The following OR10A2 variants were observed in gnomAD, a reference collection of about 807,000 sequenced individuals.
The protein encoded by OR10A2 is olfactory receptor 10A2.
Under a neutral mutation model 13.7 loss-of-function variants are expected in OR10A2, and 15 were observed. The ratio of observed to expected loss-of-function variants is 1.10; its 90% CI spans 0.73 to 1.69. The LOEUF (loss-of-function observed/expected upper bound fraction) is 1.69, where lower values mean the gene tolerates loss of function less well. OR10A2 is among the 40% of genes most tolerant of loss of function. The probability of loss-of-function intolerance (pLI) is 0.00; values close to 1 mark genes in which losing one functional copy is unlikely to be tolerated. For synonymous variants in OR10A2, 145 were observed against 144.7 expected (o/e 1.00, Z -0.02); for missense variants, 343 against 361.1 (o/e 0.95, Z 0.41).
chr11:6,868,050 T>C (rs1455061175), intron 1 of OR10A2, among the ~76,000 whole-genome samples: 2 of 152,212 alleles, frequency 1.3e-5, no homozygotes, highest in Non-Finnish European at 2.9e-5. Context: ...ACGCCTGGCC[T>C]ACAGTGAAAG....
At chr11:6,865,656 T>C (rs74925296) in intron 1 of OR10A2, among the ~76,000 whole-genome samples, 4,786 of 152,292 alleles carry the variant, frequency 0.031, 243 homozygotes, top group African/African-American at 0.11. Flanking sequence ...AAGATAATTG[T>C]CTTTTATTAT....
rs577099191 is a variant in OR10A2, at chr11:6,869,998, C to A, written c.244C>A (p.Leu82Ile). The change falls in exon 2 of 2, where the codon CTT becomes ATT. Residue 82 changes from leucine to isoleucine, a missense_variant. Leu to Ile is a conservative substitution (Grantham distance 5). Coordinates refer to ENST00000641461, the MANE Select transcript of OR10A2 (RefSeq NM_001004460.2). ...TGCCCAGGACACAACCATCTCCTTC[C>A]TTGGCTGTGCCACTCAGATGTATTT... is the stretch of plus-strand genomic sequence containing the variant. ...LLAQDTTISF[L>I]GCATQMYFFF... 6.2e-7 allele frequency: 1 copy of A among 1,614,244 alleles called. No individual in the cohort carries two copies. Among genetic ancestry groups the A allele is most frequent in the East Asian group, 2.2e-5 (1 of 44,892 alleles).
chr11:6,870,545 C>G lies in OR10A2; in HGVS notation c.791C>G (p.Ser264Cys), dbSNP rs764347213. ...SPEGKKLLSL[S>C]YTVMTPMLNP... ...GAGGGCAAGAAGCTGCTATCATTGT[C>G]CTACACTGTTATGACTCCCATGTTG... The change falls in exon 2 of 2, where the codon TCC becomes TGC. Residue 264 changes from serine to cysteine, a missense_variant. Transcript: ENST00000641461. 1 of 1,614,064 alleles carries G rather than the reference C, an allele frequency of 6.2e-7. No individual in the cohort carries two copies. The highest frequency in any genetic ancestry group is 1.1e-5 in the South Asian group (1 of 91,078).
Position 6,870,412 on chromosome 11 carries a change from G to C in OR10A2, c.658G>C (p.Gly220Arg). 1.2e-6 allele frequency: 2 copies of C among 1,614,168 alleles called. No individual in the cohort carries two copies. Among genetic ancestry groups the C allele is most frequent in the Non-Finnish European group, 1.7e-6 (2 of 1,180,040 alleles). ...CATCCTCAAGATCCCATCAGCTAAA[G>C]GGAAGAATAAAGCCTTTTCTACATG... Reference protein sequence around the residue: ...AAILKIPSAKGKNKAFSTCSS... With the variant: ...AAILKIPSAKRKNKAFSTCSS... The change falls in exon 2 of 2, where the codon GGG becomes CGG. Residue 220 changes from glycine to arginine, a missense_variant. Gly to Arg is a moderately radical substitution (Grantham distance 125). Coordinates refer to ENST00000641461, the MANE Select transcript of OR10A2 (RefSeq NM_001004460.2).
chr11:6,863,131 T>G lies in OR10A2; in HGVS notation c.-353T>G, dbSNP rs1401000895. The G allele has an allele frequency of 6.6e-6, 1 of 152,162 alleles. No individual in the cohort carries two copies. Among genetic ancestry groups the G allele is most frequent in the Non-Finnish European group, 1.5e-5 (1 of 68,072 alleles). The allele number at this position is 152,162 out of a possible 1,614,324, so 9.4% of individuals were successfully genotyped here. A position where few individuals can be genotyped will look rare whatever the true frequency, so the allele number is the denominator to read the frequency against. ...CCAGGACTGGGAGCATGGCCAAACT[T>G]CATAGTGAGCTTACTTGCCTCTGAC... On this transcript the variant is annotated 5_prime_UTR_variant, in exon 1 of 2. Transcript: ENST00000641461.
intron 1 of OR10A2, among the ~76,000 whole-genome samples, chr11:6,867,750 T>C (rs1848390639): frequency 6.6e-6 from 1 of 151,882 alleles, no homozygotes; most frequent in South Asian, 2.1e-4. Flanking sequence ...TTACTTTACT[T>C]TTTTTTTCTT....
In OR10A2 at chr11:6,869,691, T is replaced by C. The variant is rs1383761029; in HGVS notation, c.-64T>C. ...CAATAATCTTTCTCCATGACCACAG[T>C]TGGGGACTTCTGCCCACACTTATAG... On this transcript the variant is annotated 5_prime_UTR_variant, in exon 2 of 2. Coordinates refer to ENST00000641461, the MANE Select transcript of OR10A2 (RefSeq NM_001004460.2). 37 of 1,321,688 alleles carry C rather than the reference T, an allele frequency of 2.8e-5. No individual in the cohort carries two copies. The highest frequency in any genetic ancestry group is 6.9e-5 in the East Asian group (3 of 43,436). The allele number at this position is 1,321,688 out of a possible 1,614,324, so 81.9% of individuals were successfully genotyped here.
chr11:6,870,065 C>T lies in OR10A2; in HGVS notation c.311C>T (p.Thr104Ile), dbSNP rs369235039. The T allele has an allele frequency of 1.2e-5, 20 of 1,614,200 alleles. No individual in the cohort carries two copies. In the African/African-American group the frequency reaches 2.7e-4, roughly 22 times the overall value. The change falls in exon 2 of 2, where the codon ACC (threonine) becomes ATC (isoleucine). Residue 104 changes from threonine (T) to isoleucine (I), a missense_variant. Physicochemically the swap from Thr to Ile is moderately conservative, Grantham distance 89 (BLOSUM62 -1). Transcript: ENST00000641461. ...FGVAECFLLA[T>I]MAYDRYVAIC... The stretch of plus-strand genomic sequence containing the variant: ...GTGGCTGAATGCTTCCTCCTGGCTA[C>T]CATGGCATATGACCGCTATGTGGCC...
chr11:6,868,043 C>A (rs576235094), intron 1 of OR10A2, among the ~76,000 whole-genome samples: 1 of 152,326 alleles, frequency 6.6e-6, no homozygotes, highest in African/African-American at 2.4e-5. Flanking sequence ...AGCCACCACG[C>A]CTGGCCTACA....
chr11:6,870,687 A>G lies in OR10A2; in HGVS notation c.*21A>G. 2 of 1,491,140 alleles carry G rather than the reference A, an allele frequency of 1.3e-6. No individual in the cohort carries two copies. The highest frequency in any genetic ancestry group is 1.8e-6 in the Non-Finnish European group (2 of 1,108,736). The allele number at this position is 1,491,140 out of a possible 1,614,324, so 92.4% of individuals were successfully genotyped here. ...CATAGACCTTAGGAAGTAAGGCTAC[A>G]TTTTACTGGATGAGAAACAATCAGT... On this transcript the variant is annotated 3_prime_UTR_variant, in exon 2 of 2. Transcript: ENST00000641461.
At chr11:6,866,744 T>C (rs183425113) in intron 1 of OR10A2, among the ~76,000 whole-genome samples, 1 of 152,278 alleles carries the variant, frequency 6.6e-6, no homozygotes, top group African/African-American at 2.4e-5. Flanking sequence ...GTTTGGTTAC[T>C]TATCAGAACT....
Position 6,863,157 on chromosome 11 carries a change from A to G in OR10A2, c.-327A>G, listed in dbSNP as rs1848353351. On this transcript the variant is annotated 5_prime_UTR_variant, in exon 1 of 2. Transcript: ENST00000641461. ...CATAGTGAGCTTACTTGCCTCTGAC[A>G]CACAAGGCAGCAGTGAGCTGGCTAC... The G allele has an allele frequency of 6.6e-6, 1 of 152,214 alleles. No homozygotes were observed. Among genetic ancestry groups the G allele is most frequent in the Admixed American group, 6.5e-5 (1 of 15,280 alleles). 9.4% of individuals were successfully genotyped at this position (152,214 alleles called of 1,614,324 possible). A position where few individuals can be genotyped will look rare whatever the true frequency, so the allele number is the denominator to read the frequency against.
rs1848440892 is a variant in OR10A2, at chr11:6,872,212, G to C, written c.*1546G>C. On this transcript the variant is annotated 3_prime_UTR_variant, in exon 2 of 2. Transcript: ENST00000641461. ...TTATAGATTAGACGATTAGCAATTG[G>C]TGATGTCTTGGTGTTTTATTTTCTC... 1 of 152,142 alleles carries C rather than the reference G, an allele frequency of 6.6e-6. No individual in the cohort carries two copies. Among genetic ancestry groups the C allele is most frequent in the South Asian group, 2.1e-4 (1 of 4,826 alleles). The allele number at this position is 152,142 out of a possible 1,614,324, so 9.4% of individuals were successfully genotyped here.
rs12361835 is a variant in OR10A2, at chr11:6,872,536, C to G, written c.*1870C>G. 0.33 allele frequency: 49,462 copies of G among 152,100 alleles called. 8,570 individuals carry two copies. The highest frequency in any genetic ancestry group is 0.41 in the South Asian group (1,981 of 4,824). The allele number at this position is 152,100 out of a possible 1,614,324, so 9.4% of individuals were successfully genotyped here. A position where few individuals can be genotyped will look rare whatever the true frequency, so the allele number is the denominator to read the frequency against. Reference sequence around the variant, plus strand: ...CTCTCTCTCTGTCACCCAGGCTGGACTGCGGTAGCAGAATTATGGCTCACT... The same window carrying G: ...CTCTCTCTCTGTCACCCAGGCTGGAGTGCGGTAGCAGAATTATGGCTCACT... On this transcript the variant is annotated 3_prime_UTR_variant, in exon 2 of 2. Coordinates refer to ENST00000641461, the MANE Select transcript of OR10A2 (RefSeq NM_001004460.2).
In OR10A2 at chr11:6,874,435, T is replaced by A. The variant is rs1295178710; in HGVS notation, c.*3769T>A. The A allele has an allele frequency of 6.6e-5, 10 of 152,198 alleles. No individual in the cohort carries two copies. Among genetic ancestry groups the A allele is most frequent in the East Asian group, 1.9e-4 (1 of 5,206 alleles). 9.4% of individuals were successfully genotyped at this position (152,198 alleles called of 1,614,324 possible). ...CTCCAATGTTACTAATATATTGAAA[T>A]TTTCTGCCCATCTTTAGAAATTGTG... is the stretch of plus-strand genomic sequence containing the variant. On this transcript the variant is annotated 3_prime_UTR_variant, in exon 2 of 2. Transcript: ENST00000641461.
chr11:6,873,558 C>T lies in OR10A2; in HGVS notation c.*2892C>T, dbSNP rs1564921834. On this transcript the variant is annotated 3_prime_UTR_variant, in exon 2 of 2. Coordinates refer to ENST00000641461, the MANE Select transcript of OR10A2 (RefSeq NM_001004460.2). ...CAGAAGAGTGCCACATGCACAAACA[C>T]AGGAGTGCTGAGAGACTATGATGTG... 6.6e-6 allele frequency: 1 copy of T among 152,174 alleles called. No individual in the cohort carries two copies. Among genetic ancestry groups the T allele is most frequent in the Non-Finnish European group, 1.5e-5 (1 of 68,034 alleles). 9.4% of individuals were successfully genotyped at this position (152,174 alleles called of 1,614,324 possible). A position where few individuals can be genotyped will look rare whatever the true frequency, so the allele number is the denominator to read the frequency against.
chr11:6,865,861 T>A (rs1206175403), intron 1 of OR10A2, among the ~76,000 whole-genome samples: 2 of 152,196 alleles, frequency 1.3e-5, no homozygotes, highest in Non-Finnish European at 2.9e-5. Context: ...AGCAGAGGAT[T>A]CCATTGCTAG....
At chr11:6,867,842 C>T (rs1330233394) in intron 1 of OR10A2, among the ~76,000 whole-genome samples, 3 of 152,078 alleles carry the variant, frequency 2.0e-5, no homozygotes, top group Non-Finnish European at 2.9e-5. Context: ...CTCAACCTCC[C>T]GAGCTCTGGT....
intron 1 of OR10A2, among the ~76,000 whole-genome samples, chr11:6,868,198 G>C (rs1165601296): frequency 6.6e-6 from 1 of 152,134 alleles, no homozygotes; most frequent in African/African-American, 2.4e-5. Flanking sequence ...AGAAATCTTA[G>C]ATCAGTTTGA....
Sources: gnomAD v4.1 joint callset for allele counts (sites outside exome capture counted in the v4.1 genomes callset) on GRCh38, gnomAD v4.1.1 for gene constraint, MANE v1.5 for transcripts, NCBI Gene and HGNC (gene_info 2026-07-23, HGNC 2026-07-21) for gene names.